The following TIMELESS variants were observed in gnomAD, a reference collection of about 807,000 sequenced individuals.
TIMELESS encodes the protein timeless circadian regulator.
TIMELESS carries 124 observed loss-of-function variants against 164.3 expected under a neutral mutation model. The observed-to-expected ratio is 0.75, with a 90% CI of 0.65 to 0.88. TIMELESS has a LOEUF of 0.88. Ranked by LOEUF, TIMELESS falls within the 40% of genes least tolerant of loss-of-function variation. The pLI is 0.00. For synonymous variants in TIMELESS, 564 were observed against 563.4 expected (o/e 1.00, Z -0.02); for missense variants, 1,422 against 1,491.4 (o/e 0.95, Z 0.77).
At chr12:56,442,036 A>G (rs1258370588) in intron 1 of TIMELESS, among the ~76,000 whole-genome samples, 1 of 138,818 alleles carries the variant, frequency 7.2e-6, no homozygotes, top group African/African-American at 2.7e-5. Context: ...GTGAGTTGAG[A>G]TCGTGCCACT....
chr12:56,422,810 C>CGG, intron 19 of TIMELESS, 37 bp downstream of exon 19: 3 of 1,460,186 alleles, frequency 2.1e-6, no homozygotes, highest in Non-Finnish European at 2.8e-6. Flanking sequence ...TCAAACTTCC[C>CGG]CTACCCCCAC....
chr12:56,441,094 G>A (rs572367871), intron 1 of TIMELESS, among the ~76,000 whole-genome samples: 19 of 151,992 alleles, frequency 1.3e-4, no homozygotes, highest in African/African-American at 3.6e-4. Context: ...CTGGGATTAC[G>A]GGCATGAGCC....
intron 15 of TIMELESS, 100 bp downstream of exon 15, chr12:56,424,662 T>C (rs1327107207): frequency 6.8e-7 from 1 of 1,462,056 alleles, no homozygotes; most frequent in African/African-American, 1.4e-5. Context: ...CCCAGAGCCT[T>C]GATGAGACAA....
chr12:56,418,313 C>T lies in TIMELESS; in HGVS notation c.3275G>A (p.Arg1092Gln), dbSNP rs201006811. 2.8e-5 allele frequency: 45 copies of T among 1,613,896 alleles called. No individual in the cohort carries two copies. Among genetic ancestry groups the T allele is most frequent in the African/African-American group, 2.3e-4 (17 of 74,852 alleles). Residue 1092 changes from arginine to glutamine, a missense_variant, in exon 27 of 29, where the codon CGG (arginine) becomes CAG (glutamine). Physicochemically the swap from Arg to Gln is conservative, Grantham distance 43. Transcript: ENST00000553532. ...TTGACTCAAAGAAGCTGCTGCCCTC[C>T]GGAGCTGGGTAGGACTCAGCTTGGC... ...IPAKLSPTQL[R>Q]RAAASLSQPE...
At chr12:56,444,731 A>G (rs1187041322) in intron 1 of TIMELESS, among the ~76,000 whole-genome samples, 1 of 130,750 alleles carries the variant, frequency 7.6e-6, no homozygotes. Flanking sequence ...TTAAGGGGGG[A>G]AAAATCCAAC....
chr12:56,416,758 C>T lies in TIMELESS; in HGVS notation c.*958G>A, dbSNP rs1881274421. On this transcript the variant is annotated 3_prime_UTR_variant, in exon 29 of 29. Transcript: ENST00000553532. ...TCTTTTTTTTTGAGACAGAGTCTTG[C>T]TCTGTCGCCCAGGCATATGCACTGG... 1.3e-5 allele frequency: 2 copies of T among 150,396 alleles called. No homozygotes were observed. Among genetic ancestry groups the T allele is most frequent in the South Asian group, 4.2e-4 (2 of 4,784 alleles). 9.3% of individuals were successfully genotyped at this position (150,396 alleles called of 1,614,324 possible).
intron 1 of TIMELESS, among the ~76,000 whole-genome samples, chr12:56,440,674 T>G (rs1342232111): frequency 6.6e-6 from 1 of 152,148 alleles, no homozygotes; most frequent in Non-Finnish European, 1.5e-5. Context: ...ATTAGGGAAG[T>G]GTAAATGAGA....
rs1490793917 is a variant in TIMELESS at position 56,446,191 on chromosome 12, C to T, written c.-62+3119G>A. On this transcript the variant is annotated intron_variant, in intron 1 of 28. Transcript: ENST00000553532. ...AGTGCTGGGATTACAGGCATGAATG[C>T]AGCTGCCTCCAGTCTTGTTCAATCT... Among the ~76,000 whole-genome samples, 4 of 152,158 alleles carry T rather than the reference C, an allele frequency of 2.6e-5. No individual in the cohort carries two copies. In the East Asian group the frequency reaches 7.7e-4, roughly 29 times the overall value.
rs1286982340 is a variant in TIMELESS at position 56,421,353 on chromosome 12, A to G, written c.2866T>C (p.Leu956=). 3 of 1,613,730 alleles carry G rather than the reference A, an allele frequency of 1.9e-6. No individual in the cohort carries two copies. The South Asian group carries it at 3.3e-5, about 18-fold the overall frequency. ...KRQKKLASSI[L]PNGAESLKDF... is the part of the protein sequence containing the mutation. ...CAGAGCTAGGGTCAGATTGTTACCAAGATGGAGGATGCCAACTTTTTCTGC... is the reference window on the plus strand; with the variant it reads ...CAGAGCTAGGGTCAGATTGTTACCAGGATGGAGGATGCCAACTTTTTCTGC... The change falls in exon 23 of 29, where the codon TTG becomes CTG. Residue 956 remains leucine (L), a splice_region_variant and synonymous_variant. Transcript: ENST00000553532.
chr12:56,432,546 TAGAAAGGA>T, intron 6 of TIMELESS, 22 bp from the exon 7 acceptor site: 1 of 1,606,388 alleles, frequency 6.2e-7, no homozygotes, highest in African/African-American at 1.3e-5. Flanking sequence ...GTGGTGAGGG[TAGAAAGGA>T]AGCTCATTCA....
Position 56,433,555 on chromosome 12 carries a change from A to G in TIMELESS, c.349T>C (p.Leu117=). 6.2e-7 allele frequency: 1 copy of G among 1,614,228 alleles called. No homozygotes were observed. The highest frequency in any genetic ancestry group is 1.3e-5 in the African/African-American group (1 of 75,062). The change falls in exon 4 of 29, where the codon TTG becomes CTG. Residue 117 remains leucine, a synonymous_variant. Transcript: ENST00000553532. ...ATCCTCACCTCTTTGTAGGCCTGCA[A>G]ATAAGTTAGCACCTGCAAAAAATGG... ...RHHFLQVLTY[L]QAYKEAFASE...
At chr12:56,427,284 A>T (rs553727052) in intron 13 of TIMELESS, among the ~76,000 whole-genome samples, 5 of 152,046 alleles carry the variant, frequency 3.3e-5, no homozygotes, top group African/African-American at 1.2e-4. Context: ...CATCACACCC[A>T]GCTAATTTTT....
At chr12:56,448,406 AAAAAC>A (rs553732855) in intron 1 of TIMELESS, among the ~76,000 whole-genome samples, 2 of 149,012 alleles carry the variant, frequency 1.3e-5, no homozygotes, top group South Asian at 2.1e-4. Flanking sequence ...ACTCCATCTC[AAAAAC>A]AAAACAAAAC....
In TIMELESS at chr12:56,420,790, A is replaced by T. The variant is rs1173109226; in HGVS notation, c.3109+23T>A. 1.9e-6 allele frequency: 3 copies of T among 1,614,058 alleles called. No homozygotes were observed. The East Asian group carries it at 6.7e-5, about 36-fold the overall frequency. On this transcript the variant is annotated intron_variant, in intron 25 of 28. Coordinates refer to ENST00000553532, the MANE Select transcript of TIMELESS (RefSeq NM_003920.5). ...CAATAGCCTCCAGGGCTCTTCTCCTAAAAGTGTCACCTGTCCACTCACCAT... is the reference window on the plus strand; with the variant it reads ...CAATAGCCTCCAGGGCTCTTCTCCTTAAAGTGTCACCTGTCCACTCACCAT...
Position 56,418,184 on chromosome 12 carries a change from C to T in TIMELESS, c.3404G>A (p.Arg1135Lys). Reference sequence around the variant, plus strand: ...CTTCTTGTGGGCTAGCAAGAGGGCCCTCAGGGCTTGTGCTCGGTGCTCTTT... The same window carrying T: ...CTTCTTGTGGGCTAGCAAGAGGGCCTTCAGGGCTTGTGCTCGGTGCTCTTT... ...HCKEHRAQALRALLLAHKKKA... is the reference protein window; with the variant it reads ...HCKEHRAQALKALLLAHKKKA... The change falls in exon 27 of 29, where the codon AGG becomes AAG. Residue 1135 changes from arginine to lysine, a missense_variant. Physicochemically the swap from Arg to Lys is conservative, Grantham distance 26. Coordinates refer to ENST00000553532, the MANE Select transcript of TIMELESS (RefSeq NM_003920.5). 6.2e-7 allele frequency: 1 copy of T among 1,614,190 alleles called. No individual in the cohort carries two copies. Among genetic ancestry groups the T allele is most frequent in the Non-Finnish European group, 8.5e-7 (1 of 1,180,032 alleles).
intron 1 of TIMELESS, among the ~76,000 whole-genome samples, chr12:56,439,924 T>C (rs11609038): frequency 0.046 from 6,998 of 152,260 alleles, 250 homozygotes; most frequent in Middle Eastern, 0.12. Context: ...CATTTCATCA[T>C]AGACCAGGTG....
chr12:56,433,212 G>C, intron 5 of TIMELESS, 85 bp from the exon 6 acceptor site: 5 of 1,453,026 alleles, frequency 3.4e-6, no homozygotes, highest in Non-Finnish European at 4.8e-6. Context: ...GCATAGAAGA[G>C]AAGCAGGATT....
chr12:56,439,789 G>A (rs139653386), intron 1 of TIMELESS, among the ~76,000 whole-genome samples: 31 of 152,174 alleles, frequency 2.0e-4, no homozygotes, highest in Middle Eastern at 3.4e-3. Flanking sequence ...ATTACTATAC[G>A]CATTCTGTTT....
chr12:56,448,382 G>T (rs772388593), intron 1 of TIMELESS, among the ~76,000 whole-genome samples: 2 of 151,268 alleles, frequency 1.3e-5, no homozygotes, highest in Non-Finnish European at 2.9e-5. Flanking sequence ...CTCCAGCCTG[G>T]GCGACAGAGC....
Sources: gnomAD v4.1 joint callset for allele counts (sites outside exome capture counted in the v4.1 genomes callset) on GRCh38, gnomAD v4.1.1 for gene constraint, MANE v1.5 for transcripts, NCBI Gene and HGNC (gene_info 2026-07-23, HGNC 2026-07-21) for gene names.